The following FAM227B variants were observed in gnomAD, a reference collection of about 807,000 sequenced individuals.
The protein encoded by FAM227B is family with sequence similarity 227 member B, also known as protein FAM227B.
FAM227B carries 88 observed loss-of-function variants against 73.8 expected under a neutral mutation model. The observed-to-expected ratio is 1.19, with a 90% CI of 1.00 to 1.42. The LOEUF (loss-of-function observed/expected upper bound fraction) is 1.42. FAM227B is among the 40% of genes most tolerant of loss of function. The pLI is 0.00. For missense variants in FAM227B, 632 were observed against 590.9 expected (o/e 1.07, Z -0.72); for synonymous variants, 210 against 190.5 (o/e 1.10, Z -0.84).
At chr15:49,519,879 C>T (rs1477778225) in intron 10 of FAM227B, among the ~76,000 whole-genome samples, 2 of 152,116 alleles carry the variant, frequency 1.3e-5, no homozygotes, top group East Asian at 1.9e-4. Flanking sequence ...TTTTCTTTTC[C>T]GTCGCATTAT....
chr15:49,507,320 C>G (rs1017770461), intron 11 of FAM227B, among the ~76,000 whole-genome samples: 1 of 152,020 alleles, frequency 6.6e-6, no homozygotes, highest in African/African-American at 2.4e-5. Context: ...TAAAGAATAA[C>G]TTCCCAAAGA....
chr15:49,502,194 A>T (rs1473246051), intron 11 of FAM227B, among the ~76,000 whole-genome samples: 1 of 152,176 alleles, frequency 6.6e-6, no homozygotes, highest in Non-Finnish European at 1.5e-5. Context: ...CAGAGTACCC[A>T]CTGGGGCACT....
At chr15:49,458,659 A>C (rs750066323) in intron 11 of FAM227B, among the ~76,000 whole-genome samples, 8 of 152,138 alleles carry the variant, frequency 5.3e-5, no homozygotes, top group Non-Finnish European at 1.0e-4. Flanking sequence ...ACAAATGGGA[A>C]TCTAATACTT....
intron 9 of FAM227B, among the ~76,000 whole-genome samples, chr15:49,550,429 G>A (rs1384337013): frequency 3.3e-5 from 5 of 151,514 alleles, no homozygotes; most frequent in East Asian, 4.0e-4. Context: ...GGGCGGAGAC[G>A]CTCCTCACTT....
chr15:49,496,417 G>C (rs2057613125), intron 11 of FAM227B, among the ~76,000 whole-genome samples: 1 of 152,128 alleles, frequency 6.6e-6, no homozygotes. Context: ...ATCTTTATTT[G>C]AGTTCAAAAG....
rs1409863416 is a variant in FAM227B, at chr15:49,371,477, C to G, written c.1013-78G>C. 4 of 806,878 alleles carry G rather than the reference C, an allele frequency of 5.0e-6. No individual in the cohort carries two copies. In the African/African-American group the frequency reaches 7.0e-5, roughly 14 times the overall value. 50.0% of individuals were successfully genotyped at this position (806,878 alleles called of 1,614,324 possible). Reference sequence around the variant, plus strand: ...AGAAAAAGCATGATACCTCTTTCGCCTTTTAACAATGCACCCTAAACATGG... The same window carrying G: ...AGAAAAAGCATGATACCTCTTTCGCGTTTTAACAATGCACCCTAAACATGG... On this transcript the variant is annotated intron_variant, in intron 11 of 15. Transcript: ENST00000299338.
chr15:49,385,113 G>C (rs1442464340), intron 11 of FAM227B, among the ~76,000 whole-genome samples: 2 of 151,904 alleles, frequency 1.3e-5, no homozygotes, highest in Non-Finnish European at 2.9e-5. Flanking sequence ...TGGAGGTTTG[G>C]AGAAAGGTTT....
chr15:49,343,978 G>T (rs1411723449), intron 13 of FAM227B: 1 of 152,076 alleles, frequency 6.6e-6, no homozygotes, highest in Non-Finnish European at 1.5e-5. Flanking sequence ...TCAAATTTTG[G>T]CTTTGAGATT....
At chr15:49,397,939 C>A (rs1250437550) in intron 11 of FAM227B, among the ~76,000 whole-genome samples, 1 of 152,006 alleles carries the variant, frequency 6.6e-6, no homozygotes, top group East Asian at 1.9e-4. Flanking sequence ...ACTGCATCAA[C>A]TAACCAGCAA....
intron 5 of FAM227B, among the ~76,000 whole-genome samples, chr15:49,584,884 T>G (rs1219793369): frequency 6.6e-6 from 1 of 152,016 alleles, no homozygotes. Context: ...CAAAAGAAAC[T>G]ACCATCAGAG....
At chr15:49,417,579 C>T (rs182455428) in intron 11 of FAM227B, among the ~76,000 whole-genome samples, 2 of 152,226 alleles carry the variant, frequency 1.3e-5, no homozygotes, top group African/African-American at 4.8e-5. Context: ...GAAATAACTC[C>T]CTATTCAATA....
intron 13 of FAM227B, chr15:49,344,312 G>A (rs2041155554): frequency 6.6e-6 from 1 of 151,952 alleles, no homozygotes; most frequent in Non-Finnish European, 1.5e-5. Flanking sequence ...TTGTTATAAT[G>A]GTATGGTTGC....
At chr15:49,415,052 C>T (rs1214735817) in intron 11 of FAM227B, among the ~76,000 whole-genome samples, 1 of 152,102 alleles carries the variant, frequency 6.6e-6, no homozygotes, top group African/African-American at 2.4e-5. Context: ...TTCTTCTTTA[C>T]TATCATAATT....
chr15:49,385,856 T>C (rs1288541313), intron 11 of FAM227B, among the ~76,000 whole-genome samples: 1 of 151,718 alleles, frequency 6.6e-6, no homozygotes, highest in Non-Finnish European at 1.5e-5. Flanking sequence ...AGCTATTCTT[T>C]TATCAGACAA....
At chr15:49,419,680 C>T (rs568603915) in intron 11 of FAM227B, among the ~76,000 whole-genome samples, 2 of 152,298 alleles carry the variant, frequency 1.3e-5, no homozygotes, top group African/African-American at 4.8e-5. Context: ...GCCTGCCTCT[C>T]CAACCTCTTC....
intron 11 of FAM227B, among the ~76,000 whole-genome samples, chr15:49,456,711 GA>G (rs758895386): frequency 5.3e-5 from 8 of 151,848 alleles, no homozygotes; most frequent in Non-Finnish European, 1.2e-4. Context: ...TTTCTGAAAA[GA>G]AAAAAGGGGA....
intron 11 of FAM227B, among the ~76,000 whole-genome samples, chr15:49,431,055 A>G (rs2151786262): frequency 6.6e-6 from 1 of 152,000 alleles, no homozygotes; most frequent in East Asian, 1.9e-4. Context: ...CTTCTCTAAC[A>G]TCACTATTGG....
chr15:49,438,327 T>C (rs1407832926), intron 11 of FAM227B, among the ~76,000 whole-genome samples: 1 of 151,772 alleles, frequency 6.6e-6, no homozygotes, highest in African/African-American at 2.4e-5. Context: ...GTTAAAAATT[T>C]AACCTTTCTT....
intron 11 of FAM227B, among the ~76,000 whole-genome samples, chr15:49,431,653 T>A (rs1028632575): frequency 1.3e-5 from 2 of 151,692 alleles, no homozygotes; most frequent in Non-Finnish European, 2.9e-5. Flanking sequence ...ATAGAGTCAT[T>A]AGCTAGTGTC....
Sources: allele counts gnomAD v4.1 joint callset (sites outside exome capture counted in the v4.1 genomes callset), GRCh38; gene constraint gnomAD v4.1.1; transcripts MANE v1.5; gene names NCBI Gene and HGNC (gene_info 2026-07-23, HGNC 2026-07-21).